Variants in CHERP observed in about 807,000 individuals in gnomAD.
The protein encoded by CHERP is calcium homeostasis endoplasmic reticulum protein.
CHERP carries 8 observed loss-of-function variants against 113.8 expected under a neutral mutation model. The ratio of observed to expected loss-of-function variants is 0.07; its 90% CI spans 0.04 to 0.13. CHERP has a LOEUF of 0.13. Ranked by LOEUF, CHERP falls within the 10% of genes least tolerant of loss-of-function variation. The pLI is 1.00. For missense variants in CHERP, 884 were observed against 1,298.2 expected (o/e 0.68, Z 4.90); for synonymous variants, 559 against 524.5 (o/e 1.07, Z -0.90).
rs76059713 is a variant in CHERP at position 16,535,160 on chromosome 19, G to A, written c.384+292C>T. On this transcript the variant is annotated intron_variant, in intron 3 of 16. Transcript: ENST00000546361. The surrounding 1 kb of genome is among the most constrained non-coding windows in gnomAD (Gnocchi z 4.3). ...CAATGGTAGGCACCAGAGGCTGCCT[G>A]GCCACAGCCATTAGGGAGCTTCAAG... 0.021 allele frequency among the ~76,000 whole-genome samples: 3,218 copies of A among 152,318 alleles called. 113 individuals are homozygous for A. The highest frequency in any genetic ancestry group is 0.082 in the Admixed American group (1,251 of 15,304).
At position 16,520,681 on chromosome 19, in the gene CHERP, G is replaced by C. The variant is rs1001037008; in HGVS notation, c.2201+145C>G. On this transcript the variant is annotated intron_variant, in intron 13 of 16. Coordinates refer to ENST00000546361, the MANE Select transcript of CHERP (RefSeq NM_006387.6). The surrounding 1 kb of genome is among the most constrained non-coding windows in gnomAD (Gnocchi z 4.0). Reference sequence around the variant, plus strand: ...ATAGTGTGGCCGAGCCTGCTGCTGTGTGAATTCAGGCCTTGTGGAAAACAC... The same window carrying C: ...ATAGTGTGGCCGAGCCTGCTGCTGTCTGAATTCAGGCCTTGTGGAAAACAC... The C allele has an allele frequency of 8.9e-7, 1 of 1,126,536 alleles. No individual in the cohort carries two copies. Among genetic ancestry groups the C allele is most frequent in the African/African-American group, 1.5e-5 (1 of 65,028 alleles). 69.8% of individuals were successfully genotyped at this position (1,126,536 alleles called of 1,614,324 possible). A position where few individuals can be genotyped will look rare whatever the true frequency, so the allele number is the denominator to read the frequency against.
chr19:16,519,402 GGTGCACGTGGGGGGCTGAATGTCCA>G lies in CHERP; in HGVS notation c.2558-75_2558-51del, dbSNP rs770094441. On this transcript the variant is annotated intron_variant, in intron 16 of 16. Coordinates refer to ENST00000546361, the MANE Select transcript of CHERP (RefSeq NM_006387.6). The surrounding 1 kb of genome is among the most constrained non-coding windows in gnomAD (Gnocchi z 6.0). ...CCACAACAAGGCGGAGGCAGATGGGGGTGCACGTGGGGGGCTGAATGTCCAGACAGGCAGTGTAGACATGGGAAAT... is the reference window on the plus strand; with the variant it reads ...CCACAACAAGGCGGAGGCAGATGGGGGACAGGCAGTGTAGACATGGGAAAT... The G allele has an allele frequency of 6.7e-5, 104 of 1,558,318 alleles. No homozygotes were observed. The highest frequency in any genetic ancestry group is 9.1e-5 in the Non-Finnish European group (104 of 1,144,512).
intron 10 of CHERP, among the ~76,000 whole-genome samples, chr19:16,524,551 G>T (rs866714598): frequency 3.7e-5 from 4 of 106,750 alleles, no homozygotes; most frequent in Non-Finnish European, 7.2e-5. Flanking sequence ...GTGAGACTCT[G>T]TCTCAAAAAA....
chr19:16,519,267 G>A lies in CHERP; in HGVS notation c.2643C>T (p.Asp881=), dbSNP rs370455075. The change falls in exon 17 of 17, where the codon GAC becomes GAT. Residue 881 remains aspartate, a synonymous_variant. Transcript: ENST00000546361. The surrounding 1 kb of genome is among the most constrained non-coding windows in gnomAD (Gnocchi z 6.0). ...IKGGDVRDKW[D]QYKGVGVALD... is the part of the protein sequence containing the mutation. ...GAGCCACGCCCACGCCTTTATACTG[G>A]TCCCACTTATCCCGGACGTCCCCGC... 2.6e-5 allele frequency: 42 copies of A among 1,613,926 alleles called. No homozygotes were observed. The highest frequency in any genetic ancestry group is 3.5e-5 in the Non-Finnish European group (41 of 1,180,036).
In CHERP at chr19:16,523,273, G is replaced by A. The variant is rs1443704044; in HGVS notation, c.1759C>T (p.His587Tyr). The A allele has an allele frequency of 1.2e-6, 2 of 1,602,420 alleles. No homozygotes were observed. The highest frequency in any genetic ancestry group is 1.7e-6 in the Non-Finnish European group (2 of 1,175,304). ...TGAGGCATGCGGTGGCCAGGGTGGT[G>A]GTGAGGGGGCCCCATTTCTGCAAAA... ...DFPAEMGPPHHHPGHRMPHPG... is the reference protein window; with the variant it reads ...DFPAEMGPPHYHPGHRMPHPG... The change falls in exon 11 of 17, where the codon CAC (histidine) becomes TAC (tyrosine). Residue 587 changes from histidine to tyrosine, a missense_variant. By Grantham distance (83) the His-to-Tyr change is moderately conservative. Coordinates refer to ENST00000546361, the MANE Select transcript of CHERP (RefSeq NM_006387.6). The surrounding 1 kb of genome is among the most constrained non-coding windows in gnomAD (Gnocchi z 4.0).
chr19:16,524,742 T>G (rs180748714), intron 10 of CHERP, among the ~76,000 whole-genome samples: 1 of 151,688 alleles, frequency 6.6e-6, no homozygotes, highest in Non-Finnish European at 1.5e-5. Flanking sequence ...AAAATAAAAT[T>G]TTTTTAAAAA....
In CHERP at chr19:16,520,377, G is replaced by A. The variant is rs764678832; in HGVS notation, c.2332C>T (p.Arg778Cys). The A allele has an allele frequency of 3.0e-5, 49 of 1,613,920 alleles. 1 individual carries two copies. In the East Asian group the frequency reaches 6.5e-4, roughly 21 times the overall value. The change falls in exon 14 of 17, where the codon CGC becomes TGC. Residue 778 changes from arginine (R) to cysteine (C), a missense_variant. Physicochemically the swap from Arg to Cys is radical, Grantham distance 180. Coordinates refer to ENST00000546361, the MANE Select transcript of CHERP (RefSeq NM_006387.6). This position sits in a 1 kb window ranked among gnomAD's most constrained non-coding sequence, Gnocchi z 4.0. ...GCCTCTGCCTACCTAGATCTGGAGCGGGAGTAGGAACGGGAGCAGGAGCGC... is the reference window on the plus strand; with the variant it reads ...GCCTCTGCCTACCTAGATCTGGAGCAGGAGTAGGAACGGGAGCAGGAGCGC... ...RSRSCSRSYS[R>C]SRSRSRSRSR... is the part of the protein sequence containing the mutation.
chr19:16,542,201 G>C, intron 1 of CHERP, 153 bp downstream of exon 1: 1 of 1,071,928 alleles, frequency 9.3e-7, no homozygotes, highest in Non-Finnish European at 1.3e-6. Flanking sequence ...CCACACGCTC[G>C]CCGGGAATGC....
In CHERP at chr19:16,520,774, C is replaced by G; in HGVS notation, c.2201+52G>C. The G allele has an allele frequency of 6.4e-7, 1 of 1,551,532 alleles. No homozygotes were observed. The highest frequency in any genetic ancestry group is 1.1e-5 in the South Asian group (1 of 89,872). On this transcript the variant is annotated intron_variant, in intron 13 of 16. Transcript: ENST00000546361. The surrounding 1 kb of genome is among the most constrained non-coding windows in gnomAD (Gnocchi z 4.0). Reference sequence around the variant, plus strand: ...GTATCTGGGGTCTGCTCCCACCCATCACAAGCTGTGGACCCTGGCCCCCCG... The same window carrying G: ...GTATCTGGGGTCTGCTCCCACCCATGACAAGCTGTGGACCCTGGCCCCCCG...
Position 16,525,399 on chromosome 19 carries a change from G to C in CHERP, c.1584C>G (p.Pro528=). 1 of 1,500,946 alleles carries C rather than the reference G, an allele frequency of 6.7e-7. No individual in the cohort carries two copies. The highest frequency in any genetic ancestry group is 8.9e-7 in the Non-Finnish European group (1 of 1,124,908). The allele number at this position is 1,500,946 out of a possible 1,614,324, so 93.0% of individuals were successfully genotyped here. Residue 528 remains proline (P), a synonymous_variant, in exon 10 of 17, where the codon CCC becomes CCG. Coordinates refer to ENST00000546361, the MANE Select transcript of CHERP (RefSeq NM_006387.6). This position sits in a 1 kb window ranked among gnomAD's most constrained non-coding sequence, Gnocchi z 6.5. ...RPPHFRGPFP[P]HQQHPQFNQP... is the part of the protein sequence containing the mutation. Reference sequence around the variant, plus strand: ...GGTTGAACTGCGGGTGCTGCTGGTGGGGCGGGAAGGGCCCCCGGAAGTGTG... The same window carrying C: ...GGTTGAACTGCGGGTGCTGCTGGTGCGGCGGGAAGGGCCCCCGGAAGTGTG...
chr19:16,525,547 G>C lies in CHERP; in HGVS notation c.1436C>G (p.Pro479Arg). 1 of 1,543,530 alleles carries C rather than the reference G, an allele frequency of 6.5e-7. No homozygotes were observed. The highest frequency in any genetic ancestry group is 8.7e-7 in the Non-Finnish European group (1 of 1,147,308). The part of the protein sequence containing the change: ...DPGWNGQRDA[P>R]WNNQPDAAWN... ...GGCGGCGTCGGGCTGGTTGTTCCAG[G>C]GCGCGTCGCGCTGGCCGTTCCAGCC... The change falls in exon 10 of 17, where the codon CCC becomes CGC. Residue 479 changes from proline to arginine, a missense_variant. Around this residue, in one of 8 missense-constraint regions of CHERP, gnomAD observed 464 missense variants for 590.1 expected, o/e 0.79. Transcript: ENST00000546361. This position sits in a 1 kb window ranked among gnomAD's most constrained non-coding sequence, Gnocchi z 6.5.
At chr19:16,537,270 G>A (rs955717633) in intron 2 of CHERP, among the ~76,000 whole-genome samples, 2 of 149,836 alleles carry the variant, frequency 1.3e-5, no homozygotes, top group Non-Finnish European at 3.0e-5. Context: ...CCATGTGTTC[G>A]CCCCCTCAGT....
Position 16,525,524 on chromosome 19 carries a change from C to A in CHERP, c.1459G>T (p.Ala487Ser), listed in dbSNP as rs11539315. The change falls in exon 10 of 17, where the codon GCC (alanine) becomes TCC (serine). Residue 487 changes from alanine (A) to serine (S), a missense_variant. Around this residue, in one of 8 missense-constraint regions of CHERP, gnomAD observed 464 missense variants for 590.1 expected, o/e 0.79. Transcript: ENST00000546361. This position sits in a 1 kb window ranked among gnomAD's most constrained non-coding sequence, Gnocchi z 6.5. ...DAPWNNQPDA[A>S]WNSQFEGPWN... is the part of the protein sequence containing the mutation. ...GGGCCCTCGAACTGGCTGTTCCAGGCGGCGTCGGGCTGGTTGTTCCAGGGC... is the reference window on the plus strand; with the variant it reads ...GGGCCCTCGAACTGGCTGTTCCAGGAGGCGTCGGGCTGGTTGTTCCAGGGC... 5 of 1,548,364 alleles carry A rather than the reference C, an allele frequency of 3.2e-6. No individual in the cohort carries two copies. Among genetic ancestry groups the A allele is most frequent in the Non-Finnish European group, 4.4e-6 (5 of 1,149,272 alleles).
rs1393625003 is a variant in CHERP, at chr19:16,542,372, T to A, written c.7A>T (p.Met3Leu). The A allele has an allele frequency of 7.3e-7, 1 of 1,373,592 alleles. No individual in the cohort carries two copies. The highest frequency in any genetic ancestry group is 9.5e-7 in the Non-Finnish European group (1 of 1,055,816). The allele number at this position is 1,373,592 out of a possible 1,614,324, so 85.1% of individuals were successfully genotyped here. A position where few individuals can be genotyped will look rare whatever the true frequency, so the allele number is the denominator to read the frequency against. The change falls in exon 1 of 17, where the codon ATG becomes TTG. Residue 3 changes from methionine to leucine, a missense_variant. This residue lies in a region of CHERP where 17 missense variants were observed against 23.2 expected (regional missense o/e 0.73). Coordinates refer to ENST00000546361, the MANE Select transcript of CHERP (RefSeq NM_006387.6). Reference sequence around the variant, plus strand: ...GTCTCACCATCGGGGGGCAGCGGCATCTCCATGGCTCCGGCCGCGGGGAAC... The same window carrying A: ...GTCTCACCATCGGGGGGCAGCGGCAACTCCATGGCTCCGGCCGCGGGGAAC... ME[M>L]PLPPDDQELR...
Position 16,535,254 on chromosome 19 carries a change from T to C in CHERP, c.384+198A>G, listed in dbSNP as rs2085733291. Among the ~76,000 whole-genome samples the C allele has an allele frequency of 6.6e-6, 1 of 152,194 alleles. No individual in the cohort carries two copies. The highest frequency in any genetic ancestry group is 2.1e-4 in the South Asian group (1 of 4,834). ...GGGTGATGGGTGCACGCACGTCCAG[T>C]GGCTTCACTGAGATGAGAAGCAGCC... On this transcript the variant is annotated intron_variant, in intron 3 of 16. Coordinates refer to ENST00000546361, the MANE Select transcript of CHERP (RefSeq NM_006387.6). The surrounding 1 kb of genome is among the most constrained non-coding windows in gnomAD (Gnocchi z 4.3).
Position 16,523,183 on chromosome 19 carries a change from G to T in CHERP, c.1849C>A (p.His617Asn), listed in dbSNP as rs938894147. 2 of 1,567,086 alleles carry T rather than the reference G, an allele frequency of 1.3e-6. No individual in the cohort carries two copies. The highest frequency in any genetic ancestry group is 1.7e-6 in the Non-Finnish European group (2 of 1,159,420). ...TGTGGGGGCTGCCCGTTGAAGCCAT[G>T]GGGGGGAGGGCCGAAGTCAGGGTGC... Reference protein sequence around the residue: ...PQHPDFGPPPHGFNGQPPHMR... With the variant: ...PQHPDFGPPPNGFNGQPPHMR... The change falls in exon 11 of 17, where the codon CAT (histidine) becomes AAT (asparagine). Residue 617 changes from histidine (H) to asparagine (N), a missense_variant. Coordinates refer to ENST00000546361, the MANE Select transcript of CHERP (RefSeq NM_006387.6). This position sits in a 1 kb window ranked among gnomAD's most constrained non-coding sequence, Gnocchi z 4.0.
rs761692729 is a variant in CHERP at position 16,525,387 on chromosome 19, G to A, written c.1596C>T (p.His532=). ...FRGPFPPHQQ[H]PQFNQPPHPH... ...GGTGCGGAGGCTGGTTGAACTGCGGGTGCTGCTGGTGGGGCGGGAAGGGCC... is the reference window on the plus strand; with the variant it reads ...GGTGCGGAGGCTGGTTGAACTGCGGATGCTGCTGGTGGGGCGGGAAGGGCC... The change falls in exon 10 of 17, where the codon CAC becomes CAT. Residue 532 remains histidine (H), a synonymous_variant. Coordinates refer to ENST00000546361, the MANE Select transcript of CHERP (RefSeq NM_006387.6). The surrounding 1 kb of genome is among the most constrained non-coding windows in gnomAD (Gnocchi z 6.5). The A allele has an allele frequency of 2.7e-6, 4 of 1,500,680 alleles. No individual in the cohort carries two copies. The highest frequency in any genetic ancestry group is 2.7e-5 in the South Asian group (2 of 73,662). The allele number at this position is 1,500,680 out of a possible 1,614,324, so 93.0% of individuals were successfully genotyped here.
rs1291467130 is a variant in CHERP at position 16,523,830 on chromosome 19, T to G, written c.1742-540A>C. Among the ~76,000 whole-genome samples, 1 of 152,128 alleles carries G rather than the reference T, an allele frequency of 6.6e-6. No individual in the cohort carries two copies. Among genetic ancestry groups the G allele is most frequent in the Non-Finnish European group, 1.5e-5 (1 of 68,024 alleles). On this transcript the variant is annotated intron_variant, in intron 10 of 16. Transcript: ENST00000546361. This position sits in a 1 kb window ranked among gnomAD's most constrained non-coding sequence, Gnocchi z 4.0. ...CTTGGACCTCCAGCCCCCAGATCCT[T>G]AAGACAATACATTCCAGCTGTTGAA...
At chr19:16,531,582 G>C (rs934368761) in intron 5 of CHERP, among the ~76,000 whole-genome samples, 17 of 152,250 alleles carry the variant, frequency 1.1e-4, no homozygotes, top group Non-Finnish European at 2.5e-4. Flanking sequence ...AGGGGAGCAA[G>C]GGCCTGGGCT....
Sources: allele counts gnomAD v4.1 joint callset (sites outside exome capture counted in the v4.1 genomes callset), GRCh38; gene constraint gnomAD v4.1.1; regional missense constraint gnomAD v4.1.1; non-coding constraint Gnocchi (gnomAD v3.1); transcripts MANE v1.5; gene names NCBI Gene and HGNC (gene_info 2026-07-23, HGNC 2026-07-21).